Variants in ANKRD55 observed in about 807,000 individuals in gnomAD.
The protein encoded by ANKRD55 is ankyrin repeat domain-containing protein 55.
ANKRD55 carries 41 observed loss-of-function variants against 60.6 expected under a neutral mutation model. That is an observed-to-expected ratio of 0.68 (90% CI 0.53 to 0.88). ANKRD55 has a LOEUF of 0.88. Among genes scored for constraint, ANKRD55 ranks in the 40% least tolerant of loss-of-function variants. The probability of loss-of-function intolerance (pLI) is 0.00; values close to 1 mark genes in which losing one functional copy is unlikely to be tolerated. For missense variants in ANKRD55, 732 were observed against 767.6 expected, an observed-to-expected ratio of 0.95 and a Z score of 0.55; for synonymous variants, 264 against 290.3, an observed-to-expected ratio of 0.91 and a Z score of 0.92.
rs920975653 is a variant in ANKRD55 at position 56,116,719 on chromosome 5, C to T, written c.861G>A (p.Leu287=). ...TGTCCCGCAGGTTGCTGTCCATTCCCAACTCCAGCAGTGACTGGACACATT... is the reference window on the plus strand; with the variant it reads ...TGTCCCGCAGGTTGCTGTCCATTCCTAACTCCAGCAGTGACTGGACACATT... The part of the protein sequence containing the change: ...KAECVQSLLE[L]GMDSNLRDIN... Residue 287 remains leucine (L), a synonymous_variant, in exon 9 of 12, where the codon TTG becomes TTA. Transcript: ENST00000341048. The T allele has an allele frequency of 9.9e-6, 16 of 1,613,898 alleles. No individual in the cohort carries two copies. The highest frequency in any genetic ancestry group is 6.7e-5 in the Admixed American group (4 of 59,988).
intron 9 of ANKRD55, among the ~76,000 whole-genome samples, 166 bp from the exon 10 acceptor site, chr5:56,111,948 G>A (rs571954666): frequency 6.6e-6 from 1 of 152,284 alleles, no homozygotes; most frequent in African/African-American, 2.4e-5. Flanking sequence ...AGAACTCACA[G>A]TACCCCTGGC....
chr5:56,112,504 C>CAAAAAAAAAAA (rs1187255213), intron 9 of ANKRD55, among the ~76,000 whole-genome samples: 2,525 of 25,502 alleles, frequency 0.099, 437 homozygotes, highest in Non-Finnish European at 0.14. Context: ...TCATCTCTAG[C>CAAAAAAAAAAA]AAAAAAAAAA....
chr5:56,099,788 G>T lies in ANKRD55; in HGVS notation c.*395C>A, dbSNP rs774727496. 0.029 allele frequency: 4,377 copies of T among 152,472 alleles called. 118 individuals are homozygous for T. The highest frequency in any genetic ancestry group is 0.047 in the Admixed American group (715 of 15,350). The allele number at this position is 152,472 out of a possible 1,614,324, so 9.4% of individuals were successfully genotyped here. On this transcript the variant is annotated 3_prime_UTR_variant, in exon 12 of 12. Coordinates refer to ENST00000341048, the MANE Select transcript of ANKRD55 (RefSeq NM_024669.3). ...TGGGATGTGGTTTTTTTTTTGTTTT[G>T]TTTTTTGCTTTTATTCAGCAAAGCG...
At chr5:56,174,495 G>A (rs1758693243) in intron 4 of ANKRD55, among the ~76,000 whole-genome samples, 1 of 152,174 alleles carries the variant, frequency 6.6e-6, no homozygotes, top group African/African-American at 2.4e-5. Flanking sequence ...AGGGGGCTAG[G>A]AGGACAGCCA....
At chr5:56,106,306 C>G (rs1756464179) in intron 10 of ANKRD55, among the ~76,000 whole-genome samples, 1 of 152,072 alleles carries the variant, frequency 6.6e-6, no homozygotes, top group Non-Finnish European at 1.5e-5. Flanking sequence ...TTCAACTCTC[C>G]TAGACTAACA....
At chr5:56,201,938 TA>T (rs763869560) in intron 2 of ANKRD55, among the ~76,000 whole-genome samples, 5 of 152,208 alleles carry the variant, frequency 3.3e-5, no homozygotes, top group Non-Finnish European at 7.3e-5. Context: ...ATGTGATACA[TA>T]TGCACCATGG....
rs199657844 is a variant in ANKRD55, at chr5:56,101,997, A to AT, written c.1723+496dup. Among the ~76,000 whole-genome samples the AT allele has an allele frequency of 3.7e-3, 564 of 152,124 alleles. 8 individuals are homozygous for AT. Among genetic ancestry groups the AT allele is most frequent in the Admixed American group, 0.02 (300 of 15,292 alleles). On this transcript the variant is annotated intron_variant, in intron 11 of 11. Transcript: ENST00000341048. ...AAAATTCCTAAAGGGAGGGAGTGTT[A>AT]TTTTTTTAAAAAAAATAAGCATTTA...
chr5:56,204,011 A>G (rs766465145), intron 2 of ANKRD55, among the ~76,000 whole-genome samples: 146 of 152,226 alleles, frequency 9.6e-4, no homozygotes, highest in Non-Finnish European at 1.3e-3. Context: ...TGTTTTTTTA[A>G]TGATTGCTGT....
At chr5:56,150,185 T>C (rs1160144230) in intron 6 of ANKRD55, among the ~76,000 whole-genome samples, 1 of 152,126 alleles carries the variant, frequency 6.6e-6, no homozygotes, top group East Asian at 1.9e-4. Flanking sequence ...TTTTCAATTA[T>C]GAATATAGGC....
chr5:56,173,600 A>ATATATATATT (rs1266741639), intron 4 of ANKRD55, among the ~76,000 whole-genome samples: 1 of 136,812 alleles, frequency 7.3e-6, no homozygotes, highest in African/African-American at 2.9e-5. Flanking sequence ...ATATATATAT[A>ATATATATATT]TATATATCTT....
chr5:56,126,201 C>T (rs905663490), intron 8 of ANKRD55, among the ~76,000 whole-genome samples: 1 of 151,988 alleles, frequency 6.6e-6, no homozygotes, highest in Admixed American at 6.6e-5. Context: ...TTTTGCACTT[C>T]AATACAAGAG....
intron 3 of ANKRD55, among the ~76,000 whole-genome samples, chr5:56,182,075 G>C (rs929607529): frequency 3.3e-5 from 5 of 151,938 alleles, no homozygotes; most frequent in Non-Finnish European, 1.5e-5. Flanking sequence ...CTTCTTTTTG[G>C]AAGAGATTAT....
intron 2 of ANKRD55, among the ~76,000 whole-genome samples, chr5:56,224,010 C>G (rs1332460506): frequency 6.6e-6 from 1 of 152,162 alleles, no homozygotes; most frequent in Non-Finnish European, 1.5e-5. Flanking sequence ...ACAGAACTCT[C>G]CACCCCAAAT....
intron 2 of ANKRD55, among the ~76,000 whole-genome samples, chr5:56,201,037 C>T (rs987945222): frequency 2.0e-5 from 3 of 152,224 alleles, no homozygotes; most frequent in African/African-American, 7.2e-5. Context: ...CTAAGAAAGA[C>T]ATGCCCTAGT....
At chr5:56,177,418 A>G (rs1758759435) in intron 3 of ANKRD55, among the ~76,000 whole-genome samples, 1 of 152,192 alleles carries the variant, frequency 6.6e-6, no homozygotes, top group Non-Finnish European at 1.5e-5. Context: ...AAAAAAGGAC[A>G]TGCTGCAAAA....
chr5:56,215,410 C>T (rs537579510), intron 2 of ANKRD55, among the ~76,000 whole-genome samples: 3 of 152,224 alleles, frequency 2.0e-5, no homozygotes, highest in Admixed American at 2.0e-4. Flanking sequence ...GGCTGTCACA[C>T]TGAGCTGAGG....
chr5:56,166,158 T>TTTC (rs1554040812), intron 5 of ANKRD55, among the ~76,000 whole-genome samples: 1,170 of 72,406 alleles, frequency 0.016, 99 homozygotes, highest in Middle Eastern at 0.058. Flanking sequence ...TTCTTTCTTC[T>TTTC]TTCCTTCCTT....
At chr5:56,170,919 T>C (rs1165289395) in intron 4 of ANKRD55, 116 bp from the exon 5 acceptor site, 3 of 880,268 alleles carry the variant, frequency 3.4e-6, no homozygotes, top group East Asian at 5.2e-5. Context: ...ATATTTTATT[T>C]GACTTGAAGT....
intron 7 of ANKRD55, among the ~76,000 whole-genome samples, chr5:56,133,273 T>C (rs1757474177): frequency 6.6e-6 from 1 of 151,942 alleles, no homozygotes; most frequent in Non-Finnish European, 1.5e-5. Flanking sequence ...ACCCCATCTC[T>C]ACTAAAAATA....
Sources: gnomAD v4.1 joint callset for allele counts (sites outside exome capture counted in the v4.1 genomes callset) on GRCh38, gnomAD v4.1.1 for gene constraint, MANE v1.5 for transcripts, NCBI Gene and HGNC (gene_info 2026-07-23, HGNC 2026-07-21) for gene names.